Variants in FANCB observed in about 807,000 individuals in gnomAD.
FANCB encodes Fanconi anemia group B protein.
In FANCB, 5 loss-of-function variants were observed where a neutral mutation model predicts 38.9. The ratio of observed to expected loss-of-function variants is 0.13; its 90% CI spans 0.07 to 0.27. The LOEUF is 0.27. FANCB is among the 10% of genes least tolerant of loss of function. The pLI is 1.00. For synonymous variants in FANCB, 236 were observed against 215.4 expected (o/e 1.10, Z -0.84); for missense variants, 573 against 602.7 (o/e 0.95, Z 0.52).
the FANCB span, among the ~76,000 whole-genome samples, chrX:14,767,209 ATGGGATTGC>A: frequency 2.7e-5 from 3 of 111,706 alleles, no homozygotes; most frequent in Non-Finnish European, 5.6e-5. Flanking sequence ...ATGCCCAGTA[ATGGGATTGC>A]TGGGTCTAAG....
At chrX:14,811,593 G>A in the FANCB span, among the ~76,000 whole-genome samples, 3 of 111,765 alleles carry the variant, frequency 2.7e-5, no homozygotes, top group African/African-American at 9.8e-5. Context: ...ATGGTAAAGG[G>A]ATCAATTCAA....
At chrX:14,730,508 C>T in the FANCB span, 1 of 1,112,671 alleles carries the variant, frequency 9.0e-7, no homozygotes, top group African/African-American at 1.9e-5. Flanking sequence ...GACCCTGGGA[C>T]CTTCTTGCCT....
chrX:14,722,859 T>C, the FANCB span, among the ~76,000 whole-genome samples: 2 of 112,545 alleles, frequency 1.8e-5, no homozygotes, highest in African/African-American at 6.5e-5. Context: ...TGCAGAATGA[T>C]ACTTATAATT....
intron 10 of FANCB, among the ~76,000 whole-genome samples, chrX:14,837,075 T>C (rs1229488710): frequency 8.9e-6 from 1 of 112,597 alleles, no homozygotes; most frequent in Non-Finnish European, 1.9e-5. Flanking sequence ...TCCCTTCTAC[T>C]TTGTACACTA....
At chrX:14,804,654 TAA>T in the FANCB span, among the ~76,000 whole-genome samples, 2 of 111,113 alleles carry the variant, frequency 1.8e-5, no homozygotes, top group Non-Finnish European at 3.8e-5. Flanking sequence ...AAAATAAAAA[TAA>T]AAAAGTTAAA....
downstream of FANCB, among the ~76,000 whole-genome samples, chrX:14,832,330 T>C (rs1368456674): frequency 2.7e-5 from 3 of 111,379 alleles, no homozygotes; most frequent in East Asian, 8.4e-4. Context: ...GTCTCTGTAT[T>C]AACGTGGCCA....
chrX:14,819,488 G>A, the FANCB span, among the ~76,000 whole-genome samples: 1 of 111,446 alleles, frequency 9.0e-6, no homozygotes, highest in Non-Finnish European at 1.9e-5. Context: ...GAGGCAATTG[G>A]ATGGAAGAAC....
At chrX:14,807,186 T>G in the FANCB span, among the ~76,000 whole-genome samples, 5 of 112,416 alleles carry the variant, frequency 4.4e-5, no homozygotes, top group South Asian at 3.6e-4. Context: ...CAGGACATAT[T>G]TTAATGCCAA....
At chrX:14,787,788 C>T in the FANCB span, among the ~76,000 whole-genome samples, 1 of 100,043 alleles carries the variant, frequency 1.0e-5, no homozygotes, top group African/African-American at 3.7e-5. Flanking sequence ...ATGAAACAGA[C>T]GTGACTTAGA....
chrX:14,856,591 C>A (rs1569088328), intron 5 of FANCB, among the ~76,000 whole-genome samples: 2 of 111,681 alleles, frequency 1.8e-5, no homozygotes, highest in East Asian at 5.6e-4. Flanking sequence ...TGAACTCACT[C>A]TAATAATGAA....
At chrX:14,690,975 G>T in the FANCB span, 1 of 784,687 alleles carries the variant, frequency 1.3e-6, no homozygotes, top group South Asian at 2.5e-5. Context: ...TTTTTGTTCT[G>T]ATTTGTCCTA....
the FANCB span, among the ~76,000 whole-genome samples, chrX:14,699,629 G>A: frequency 5.4e-5 from 6 of 111,402 alleles, no homozygotes; most frequent in African/African-American, 2.0e-4. Context: ...TATCATTAAC[G>A]ATTTTCACCC....
chrX:14,847,300 C>A (rs186043541), intron 7 of FANCB, among the ~76,000 whole-genome samples: 1 of 110,042 alleles, frequency 9.1e-6, no homozygotes, highest in African/African-American at 3.3e-5. Context: ...TAAAAAATTA[C>A]CAGGCAGATC....
chrX:14,746,025 G>A, the FANCB span, among the ~76,000 whole-genome samples: 1 of 111,341 alleles, frequency 9.0e-6, no homozygotes, highest in Non-Finnish European at 1.9e-5. Flanking sequence ...TAAAGAAATA[G>A]CCCTAACAAC....
At chrX:14,713,195 GTTA>G in the FANCB span, among the ~76,000 whole-genome samples, 1 of 112,113 alleles carries the variant, frequency 8.9e-6, no homozygotes, top group Non-Finnish European at 1.9e-5. Context: ...CACTGATGCT[GTTA>G]TTATTGTTTT....
At chrX:14,860,488 A>G (rs2092442100) in intron 3 of FANCB, among the ~76,000 whole-genome samples, 3 of 112,370 alleles carry the variant, frequency 2.7e-5, no homozygotes, top group Non-Finnish European at 3.8e-5. Flanking sequence ...GTACACACAC[A>G]TATTTGCAAT....
At chrX:14,748,649 T>C in the FANCB span, among the ~76,000 whole-genome samples, 1 of 112,524 alleles carries the variant, frequency 8.9e-6, no homozygotes, top group African/African-American at 3.2e-5. Context: ...TTTCTGAACA[T>C]TGTCTGGTAT....
intron 3 of FANCB, among the ~76,000 whole-genome samples, chrX:14,863,744 A>G (rs766019455): frequency 4.3e-4 from 48 of 112,724 alleles, no homozygotes; most frequent in African/African-American, 1.5e-3. Context: ...TATGGAGAAC[A>G]ATTATTTGTC....
chrX:14,719,926 G>A, the FANCB span, among the ~76,000 whole-genome samples: 2 of 111,722 alleles, frequency 1.8e-5, no homozygotes, highest in African/African-American at 6.5e-5. Flanking sequence ...ATTATGTTAA[G>A]GGAAATAAGT....
Sources: gnomAD v4.1 joint callset for allele counts (sites outside exome capture counted in the v4.1 genomes callset) on GRCh38, gnomAD v4.1.1 for gene constraint, MANE v1.5 for transcripts, NCBI Gene and HGNC (gene_info 2026-07-23, HGNC 2026-07-21) for gene names.